The following KCNQ3 variants were observed in gnomAD, a reference collection of about 807,000 sequenced individuals.
KCNQ3 encodes potassium voltage-gated channel subfamily KQT member 3.
KCNQ3 carries 30 observed loss-of-function variants against 92.5 expected under a neutral mutation model. That is an observed-to-expected ratio of 0.32 (90% CI 0.24 to 0.44). KCNQ3 has a LOEUF of 0.44. Ranked by LOEUF, KCNQ3 falls within the 20% of genes least tolerant of loss-of-function variation. The pLI, the probability that KCNQ3 is intolerant of heterozygous loss-of-function variation, is 1.00. For missense variants in KCNQ3, 913 were observed against 1,140.3 expected (o/e 0.80, Z 2.87); for synonymous variants, 450 against 468.8 (o/e 0.96, Z 0.52).
At chr8:132,209,606 T>G (rs1813789580) in intron 1 of KCNQ3, among the ~76,000 whole-genome samples, 1 of 152,044 alleles carries the variant, frequency 6.6e-6, no homozygotes, top group Non-Finnish European at 1.5e-5. Flanking sequence ...TGACTTTGAA[T>G]TTTTTTACTT....
intron 1 of KCNQ3, among the ~76,000 whole-genome samples, chr8:132,238,211 C>A (rs1418984515): frequency 6.6e-6 from 1 of 152,078 alleles, no homozygotes; most frequent in African/African-American, 2.4e-5. Flanking sequence ...ATGCTTGCAG[C>A]TGCAGGAAGA....
Position 132,420,736 on chromosome 8 carries a change from T to C in KCNQ3, c.386+59411A>G, listed in dbSNP as rs188362301. Among the ~76,000 whole-genome samples, 46 of 152,326 alleles carry C rather than the reference T, an allele frequency of 3.0e-4. 1 individual carries two copies. Among genetic ancestry groups the C allele is most frequent in the Admixed American group, 2.7e-3 (41 of 15,308 alleles). Reference sequence around the variant, plus strand: ...GTTCTTGAGGTGTGTTGATAAATGATGTTGCAAAAGCAACATGTTTCTGTG... The same window carrying C: ...GTTCTTGAGGTGTGTTGATAAATGACGTTGCAAAAGCAACATGTTTCTGTG... On this transcript the variant is annotated intron_variant, in intron 1 of 14. Transcript: ENST00000388996.
intron 1 of KCNQ3, among the ~76,000 whole-genome samples, chr8:132,234,537 A>C (rs1814749269): frequency 6.6e-6 from 1 of 151,926 alleles, no homozygotes; most frequent in Non-Finnish European, 1.5e-5. Context: ...AACCTGAAAA[A>C]TCTCAAAACA....
chr8:132,370,814 G>A (rs145504277), intron 1 of KCNQ3, among the ~76,000 whole-genome samples: 1 of 152,256 alleles, frequency 6.6e-6, no homozygotes, highest in East Asian at 1.9e-4. Context: ...GCTAAATAAT[G>A]TGCCAGGCTC....
chr8:132,341,379 T>C (rs1398121177), intron 1 of KCNQ3, among the ~76,000 whole-genome samples: 3 of 152,178 alleles, frequency 2.0e-5, no homozygotes, highest in Non-Finnish European at 4.4e-5. Context: ...GAGGTTCCAG[T>C]CAAATGTCCC....
intron 1 of KCNQ3, among the ~76,000 whole-genome samples, chr8:132,237,648 C>A (rs765163683): frequency 6.6e-6 from 1 of 152,142 alleles, no homozygotes; most frequent in Non-Finnish European, 1.5e-5. Context: ...CAGGATATTG[C>A]AGCAGTGTAA....
chr8:132,397,883 C>T (rs939407358), intron 1 of KCNQ3, among the ~76,000 whole-genome samples: 2 of 152,208 alleles, frequency 1.3e-5, no homozygotes, highest in African/African-American at 4.8e-5. Context: ...ATCTATCTAT[C>T]TGTCTTTCTG....
chr8:132,292,111 A>G (rs1304128373), intron 1 of KCNQ3, among the ~76,000 whole-genome samples: 6 of 152,214 alleles, frequency 3.9e-5, no homozygotes, highest in Non-Finnish European at 7.3e-5. Context: ...TCACTGACCT[A>G]TTACTACTTG....
At chr8:132,209,041 T>C (rs899518472) in intron 1 of KCNQ3, among the ~76,000 whole-genome samples, 3 of 152,114 alleles carry the variant, frequency 2.0e-5, no homozygotes, top group Non-Finnish European at 2.9e-5. Context: ...GGTTCAATTA[T>C]CTGGGAATAG....
chr8:132,156,372 G>T (rs1825795454), intron 9 of KCNQ3, among the ~76,000 whole-genome samples: 1 of 152,024 alleles, frequency 6.6e-6, no homozygotes, highest in Non-Finnish European at 1.5e-5. Context: ...GGGAAGCCAG[G>T]TTTTGAAGTC....
At chr8:132,327,854 G>A (rs1433474733) in intron 1 of KCNQ3, among the ~76,000 whole-genome samples, 1 of 152,128 alleles carries the variant, frequency 6.6e-6, no homozygotes, top group Non-Finnish European at 1.5e-5. Flanking sequence ...CCCATGGTGT[G>A]GGAAGGGAAG....
intron 1 of KCNQ3, among the ~76,000 whole-genome samples, chr8:132,433,804 C>G (rs1821314202): frequency 6.6e-6 from 1 of 152,166 alleles, no homozygotes; most frequent in African/African-American, 2.4e-5. Flanking sequence ...ACAGGAGAAT[C>G]ACTTGAACCC....
intron 1 of KCNQ3, among the ~76,000 whole-genome samples, chr8:132,374,014 G>A (rs1417378155): frequency 7.2e-5 from 11 of 152,092 alleles, no homozygotes; most frequent in Admixed American, 7.2e-4. Context: ...TGCCATCAGA[G>A]ACCACCCCAC....
intron 1 of KCNQ3, among the ~76,000 whole-genome samples, chr8:132,404,890 G>A (rs770646416): frequency 6.6e-6 from 1 of 152,132 alleles, no homozygotes; most frequent in Non-Finnish European, 1.5e-5. Context: ...TTTCAGTGTG[G>A]GTGACTTAAA....
chr8:132,240,493 T>C (rs1221295260), intron 1 of KCNQ3, among the ~76,000 whole-genome samples: 1 of 152,092 alleles, frequency 6.6e-6, no homozygotes, highest in African/African-American at 2.4e-5. Flanking sequence ...GCCCATGCCA[T>C]GATTCTTAAT....
intron 1 of KCNQ3, among the ~76,000 whole-genome samples, chr8:132,333,736 A>T (rs1232720196): frequency 9.6e-5 from 14 of 145,346 alleles, no homozygotes; most frequent in Non-Finnish European, 1.5e-4. Flanking sequence ...TATGAAACAA[A>T]TTTTTTTTTT....
At chr8:132,388,854 G>C (rs780967268) in intron 1 of KCNQ3, among the ~76,000 whole-genome samples, 1 of 152,110 alleles carries the variant, frequency 6.6e-6, no homozygotes, top group African/African-American at 2.4e-5. Context: ...TACATGAATC[G>C]TGATTTTAAT....
At chr8:132,154,192 AGTTTTTTTTTTTTTTT>A (rs1474770086) in intron 9 of KCNQ3, among the ~76,000 whole-genome samples, 4 of 104,472 alleles carry the variant, frequency 3.8e-5, no homozygotes, top group African/African-American at 1.3e-4. Flanking sequence ...AAAGGGTAAA[AGTTTTTTTTTTTTTTT>A]TTTTTTTTTT....
At chr8:132,312,602 AT>A (rs1015475432) in intron 1 of KCNQ3, among the ~76,000 whole-genome samples, 6 of 152,186 alleles carry the variant, frequency 3.9e-5, no homozygotes, top group African/African-American at 1.4e-4. Flanking sequence ...AATCCCCATA[AT>A]TCCCATGTGT....
Sources: allele counts gnomAD v4.1 joint callset (sites outside exome capture counted in the v4.1 genomes callset), GRCh38; gene constraint gnomAD v4.1.1; transcripts MANE v1.5; gene names NCBI Gene and HGNC (gene_info 2026-07-23, HGNC 2026-07-21).